Variants in PCK1 observed in about 807,000 individuals in gnomAD.
PCK1 encodes the protein phosphoenolpyruvate carboxykinase, cytosolic [GTP].
PCK1 carries 44 observed loss-of-function variants against 50.3 expected under a neutral mutation model. The observed-to-expected ratio is 0.87, with a 90% CI of 0.69 to 1.12. The LOEUF is 1.12. Ranked by LOEUF, PCK1 falls within the 50% of genes most tolerant of loss-of-function variation. The pLI, the probability that PCK1 is intolerant of heterozygous loss-of-function variation, is 0.00. For synonymous variants in PCK1, 332 were observed against 314.3 expected (o/e 1.06, Z -0.59); for missense variants, 790 against 815.0 (o/e 0.97, Z 0.37).
chr20:57,561,290 C>T (rs762008700), intron 1 of PCK1, 82 bp from the exon 2 acceptor site: 28 of 671,476 alleles, frequency 4.2e-5, no homozygotes, highest in Non-Finnish European at 6.6e-5. Context: ...TGGCAATGCA[C>T]AGCCCTGGCA....
intron 4 of PCK1, 28 bp from the exon 5 acceptor site, chr20:57,563,000 C>A: frequency 6.2e-7 from 1 of 1,601,976 alleles, no homozygotes; most frequent in South Asian, 1.1e-5. Flanking sequence ...CCCTGGCGCA[C>A]TGACTTGGGA....
Position 57,562,055 on chromosome 20 carries a change from C to G in PCK1, c.225-16C>G, listed in dbSNP as rs373326025. The G allele has an allele frequency of 3.1e-6, 5 of 1,610,550 alleles. No homozygotes were observed. Among genetic ancestry groups the G allele is most frequent in the South Asian group, 1.1e-5 (1 of 90,914 alleles). On this transcript the variant is annotated splice_polypyrimidine_tract_variant and intron_variant, in intron 2 of 9. Coordinates refer to ENST00000319441, the MANE Select transcript of PCK1 (RefSeq NM_002591.4). ...CCCGTGGTGCTTGGCTGAAAGGAAG[C>G]CTGTGATTTTTGCAGCTGGTTGGCT...
chr20:57,563,371 T>C, intron 5 of PCK1, 156 bp downstream of exon 5: 1 of 728,090 alleles, frequency 1.4e-6, no homozygotes, highest in Non-Finnish European at 2.2e-6. Flanking sequence ...TTTACACATA[T>C]ACATCGCTTT....
Position 57,565,006 on chromosome 20 carries a change from T to C in PCK1, c.1319-34T>C, listed in dbSNP as rs371737247. 72 of 1,491,866 alleles carry C rather than the reference T, an allele frequency of 4.8e-5. No homozygotes were observed. The African/African-American group carries it at 7.8e-4, about 16-fold the overall frequency. 92.4% of individuals were successfully genotyped at this position (1,491,866 alleles called of 1,614,324 possible). A position where few individuals can be genotyped will look rare whatever the true frequency, so the allele number is the denominator to read the frequency against. ...TGTGGAGTCTGAATTTCAAAGCCTC[T>C]GATGAACATTTCTCTTTTTTTTTCC... On this transcript the variant is annotated intron_variant, in intron 8 of 9. Coordinates refer to ENST00000319441, the MANE Select transcript of PCK1 (RefSeq NM_002591.4).
rs756594188 is a variant in PCK1 at position 57,562,906 on chromosome 20, G to A, written c.610+7G>A. On this transcript the variant is annotated splice_region_variant and intron_variant, in intron 4 of 9. Transcript: ENST00000319441. Reference sequence around the variant, plus strand: ...TGCCCTCTGCCTTTACAAAGTAAGTGTATTATTTCAGAATCAAAAGTCAAA... The same window carrying A: ...TGCCCTCTGCCTTTACAAAGTAAGTATATTATTTCAGAATCAAAAGTCAAA... 1.4e-5 allele frequency: 23 copies of A among 1,598,926 alleles called. No homozygotes were observed. The Admixed American group carries it at 3.8e-4, about 27-fold the overall frequency.
In PCK1 at chr20:57,564,236, C is replaced by T; in HGVS notation, c.1029C>T (p.Thr343=). The T allele has an allele frequency of 3.1e-6, 5 of 1,614,086 alleles. No homozygotes were observed. Among genetic ancestry groups the T allele is most frequent in the Non-Finnish European group, 4.2e-6 (5 of 1,180,010 alleles). The part of the protein sequence containing the change: ...FGVAPGTSVK[T]NPNAIKTIQK... ...TCGCTCCTGGGACTTCAGTGAAGAC[C>T]AACCCCAATGCCATCAAGACCATCC... The change falls in exon 7 of 10, where the codon ACC becomes ACT. Residue 343 remains threonine, a synonymous_variant. Coordinates refer to ENST00000319441, the MANE Select transcript of PCK1 (RefSeq NM_002591.4).
Position 57,567,460 on chromosome 20 carries a change from A to G in PCK1, c.*1656A>G, listed in dbSNP as rs1211139746. Reference sequence around the variant, plus strand: ...AGCTCCAGACACGTTGGCTTGTTAGAATATCAAAACCACCGAAGGGGAAAA... The same window carrying G: ...AGCTCCAGACACGTTGGCTTGTTAGGATATCAAAACCACCGAAGGGGAAAA... On this transcript the variant is annotated 3_prime_UTR_variant, in exon 10 of 10. Transcript: ENST00000319441. 5.9e-5 allele frequency: 9 copies of G among 152,200 alleles called. No homozygotes were observed. Among genetic ancestry groups the G allele is most frequent in the Non-Finnish European group, 1.2e-4 (8 of 68,046 alleles). 9.4% of individuals were successfully genotyped at this position (152,200 alleles called of 1,614,324 possible).
Position 57,565,701 on chromosome 20 carries a change from T to C in PCK1, c.1766T>C (p.Val589Ala). ...TCCAAGGAATTCTGGGAGAAGGAGG[T>C]GGAAGACATCGAGAAGTATCTGGAG... is the stretch of plus-strand genomic sequence containing the variant. ...SISKEFWEKE[V>A]EDIEKYLEDQ... is the part of the protein sequence containing the mutation. Residue 589 changes from valine to alanine, a missense_variant, in exon 10 of 10, where the codon GTG becomes GCG. Physicochemically the swap from Val to Ala is moderately conservative, Grantham distance 64. Transcript: ENST00000319441. The C allele has an allele frequency of 6.2e-7, 1 of 1,613,676 alleles. No homozygotes were observed. The highest frequency in any genetic ancestry group is 8.5e-7 in the Non-Finnish European group (1 of 1,179,936).
chr20:57,564,559 T>G lies in PCK1; in HGVS notation c.1264T>G (p.Ser422Ala). The change falls in exon 8 of 10, where the codon TCT becomes GCT. Residue 422 changes from serine to alanine, a missense_variant. By Grantham distance (99) the Ser-to-Ala change is moderately conservative. Transcript: ENST00000319441. ...CCCCATCATTGATGCTGCCTGGGAG[T>G]CTCCGGAAGGTGTTCCCATTGAAGG... The part of the protein sequence containing the change: ...QCPIIDAAWE[S>A]PEGVPIEGII... 1 of 1,613,070 alleles carries G rather than the reference T, an allele frequency of 6.2e-7. No homozygotes were observed. The highest frequency in any genetic ancestry group is 8.5e-7 in the Non-Finnish European group (1 of 1,179,302).
At position 57,562,876 on chromosome 20, in the gene PCK1, T is replaced by A; in HGVS notation, c.587T>A (p.Val196Glu). Residue 196 changes from valine (V) to glutamate (E), a missense_variant, in exon 4 of 10, where the codon GTG becomes GAG. Coordinates refer to ENST00000319441, the MANE Select transcript of PCK1 (RefSeq NM_002591.4). Reference protein sequence around the residue: ...DGEFVKCLHSVGCPLPLQKPL... With the variant: ...DGEFVKCLHSEGCPLPLQKPL... ...GAGTTTGTCAAATGCCTCCATTCTG[T>A]GGGGTGCCCTCTGCCTTTACAAAGT... is the stretch of plus-strand genomic sequence containing the variant. The A allele has an allele frequency of 6.2e-7, 1 of 1,612,228 alleles. No homozygotes were observed. The highest frequency in any genetic ancestry group is 8.5e-7 in the Non-Finnish European group (1 of 1,178,258).
rs2070179580 is a variant in PCK1, at chr20:57,564,177, AG to A, written c.973del (p.Ala325ProfsTer17). On this transcript the variant is annotated frameshift_variant, in exon 7 of 10. Transcript: ENST00000319441. LOFTEE classifies it high-confidence loss of function. ...WMKFDAQGHL[R>X]AINPENGFFG... ...GGTTTAAAACTCTCCAGGTCATTTA[AG>A]GGCCATCAACCCAGAAAATGGCTTT... 6.2e-7 allele frequency: 1 copy of A among 1,611,872 alleles called. No homozygotes were observed. The highest frequency in any genetic ancestry group is 1.3e-5 in the African/African-American group (1 of 74,800).
At position 57,563,657 on chromosome 20, in the gene PCK1, C is replaced by T; in HGVS notation, c.891C>T (p.Asn297=). 2 of 1,613,622 alleles carry T rather than the reference C, an allele frequency of 1.2e-6. No homozygotes were observed. Among genetic ancestry groups the T allele is most frequent in the Non-Finnish European group, 1.7e-6 (2 of 1,179,612 alleles). The change falls in exon 6 of 10, where the codon AAC becomes AAT. Residue 297 remains asparagine (N), a synonymous_variant. Transcript: ENST00000319441. Reference sequence around the variant, plus strand: ...GGAAGACCAACCTGGCCATGATGAACCCCAGCCTCCCCGGGTGGAAGGTTG... The same window carrying T: ...GGAAGACCAACCTGGCCATGATGAATCCCAGCCTCCCCGGGTGGAAGGTTG... ...ACGKTNLAMM[N]PSLPGWKVEC...
At position 57,562,788 on chromosome 20, in the gene PCK1, G is replaced by A. The variant is rs748446228; in HGVS notation, c.499G>A (p.Val167Met). Residue 167 changes from valine (V) to methionine (M), a missense_variant, in exon 4 of 10, where the codon GTG (valine) becomes ATG (methionine). Coordinates refer to ENST00000319441, the MANE Select transcript of PCK1 (RefSeq NM_002591.4). ...GIELTDSPYV[V>M]ASMRIMTRMG... ...CGAGCTGACGGATTCACCCTACGTG[G>A]TGGCCAGCATGCGGATCATGACGCG... 4.3e-6 allele frequency: 7 copies of A among 1,613,994 alleles called. No individual in the cohort carries two copies. In the East Asian group the frequency reaches 1.6e-4, roughly 36 times the overall value.
At chr20:57,564,847 T>G in intron 8 of PCK1, 193 bp from the exon 9 acceptor site, 1 of 635,998 alleles carries the variant, frequency 1.6e-6, no homozygotes, top group Non-Finnish European at 2.7e-6. Flanking sequence ...AATTTTACTT[T>G]TTACTTTGTG....
rs1162433036 is a variant in PCK1 at position 57,566,878 on chromosome 20, C to G, written c.*1074C>G. ...AAGCAACAGTTTTCTCAACTGTCAT[C>G]CCCGCGGGGGAGCAGAGGAAGACAA... On this transcript the variant is annotated 3_prime_UTR_variant, in exon 10 of 10. Coordinates refer to ENST00000319441, the MANE Select transcript of PCK1 (RefSeq NM_002591.4). 6.6e-6 allele frequency: 1 copy of G among 152,168 alleles called. No homozygotes were observed. The allele number at this position is 152,168 out of a possible 1,614,324, so 9.4% of individuals were successfully genotyped here. A position where few individuals can be genotyped will look rare whatever the true frequency, so the allele number is the denominator to read the frequency against.
chr20:57,563,396 C>A, intron 5 of PCK1, 169 bp from the exon 6 acceptor site: 1 of 687,686 alleles, frequency 1.5e-6, no homozygotes, highest in Non-Finnish European at 2.4e-6. Flanking sequence ...GGCCCCCAAA[C>A]ACCAGGGGAC....
rs2070195251 is a variant in PCK1, at chr20:57,565,541, G to C, written c.1606G>C (p.Val536Leu). ...GCCAGGCTTTGGAGAGAACTCCAGG[G>C]TGCTGGAGTGGATGTTCAACCGGAT... ...LWPGFGENSRVLEWMFNRIDG... is the reference protein window; with the variant it reads ...LWPGFGENSRLLEWMFNRIDG... Residue 536 changes from valine to leucine, a missense_variant, in exon 10 of 10, where the codon GTG (valine) becomes CTG (leucine). Transcript: ENST00000319441. The C allele has an allele frequency of 6.2e-7, 1 of 1,613,946 alleles. No individual in the cohort carries two copies. The highest frequency in any genetic ancestry group is 1.3e-5 in the African/African-American group (1 of 75,050).
rs189044681 is a variant in PCK1 at position 57,561,781 on chromosome 20, G to T, written c.224+146G>T. 575 of 633,750 alleles carry T rather than the reference G, an allele frequency of 9.1e-4. 8 individuals are homozygous for T. The highest frequency in any genetic ancestry group is 1.5e-4 in the Non-Finnish European group (55 of 365,204). The allele number at this position is 633,750 out of a possible 1,614,324, so 39.3% of individuals were successfully genotyped here. On this transcript the variant is annotated intron_variant, in intron 2 of 9. Transcript: ENST00000319441. ...TGAATGCAATGGTCAGAACCATACA[G>T]ACTTGAATTTTGTGACATTAGTGGG...
At position 57,561,991 on chromosome 20, in the gene PCK1, G is replaced by A. The variant is rs2070148651; in HGVS notation, c.225-80G>A. On this transcript the variant is annotated intron_variant, in intron 2 of 9. Transcript: ENST00000319441. Reference sequence around the variant, plus strand: ...TGTTAGCGTGCTCAGCACTCTGCTAGGCATGGAAAGCCACGGTACTGAAGG... The same window carrying A: ...TGTTAGCGTGCTCAGCACTCTGCTAAGCATGGAAAGCCACGGTACTGAAGG... The A allele has an allele frequency of 2.6e-6, 3 of 1,160,184 alleles. No individual in the cohort carries two copies. In the African/African-American group the frequency reaches 4.5e-5, roughly 18 times the overall value. 71.9% of individuals were successfully genotyped at this position (1,160,184 alleles called of 1,614,324 possible).
Sources: allele counts gnomAD v4.1 joint callset, GRCh38; gene constraint gnomAD v4.1.1; transcripts MANE v1.5; gene names NCBI Gene and HGNC (gene_info 2026-07-23, HGNC 2026-07-21).